Variants in ZMYM5 observed in about 807,000 individuals in gnomAD.
ZMYM5 encodes zinc finger MYM-type containing 5, also known as zinc finger MYM-type protein 5.
ZMYM5 carries 41 observed loss-of-function variants against 61.8 expected under a neutral mutation model. The observed-to-expected ratio is 0.66, with a 90% CI of 0.52 to 0.86. ZMYM5 has a LOEUF of 0.86. Among genes scored for constraint, ZMYM5 ranks in the 40% least tolerant of loss-of-function variants. ZMYM5 has a pLI of 0.00. For synonymous variants in ZMYM5, 257 were observed against 276.4 expected (o/e 0.93, Z 0.70); for missense variants, 706 against 786.7 (o/e 0.90, Z 1.23).
At chr13:19,862,850 A>G (rs1022762267) in intron 1 of ZMYM5, among the ~76,000 whole-genome samples, 1 of 152,190 alleles carries the variant, frequency 6.6e-6, no homozygotes, top group South Asian at 2.1e-4. Flanking sequence ...GGCGGCGCGC[A>G]TCACCTCTGG....
intron 2 of ZMYM5, among the ~76,000 whole-genome samples, chr13:19,859,801 T>A (rs1211594785): frequency 1.3e-5 from 2 of 151,832 alleles, no homozygotes; most frequent in Non-Finnish European, 2.9e-5. Context: ...TAAATAAAAA[T>A]TTTTAAAAAA....
intron 7 of ZMYM5, among the ~76,000 whole-genome samples, chr13:19,828,578 G>A (rs1891034413): frequency 6.6e-6 from 1 of 152,170 alleles, no homozygotes; most frequent in South Asian, 2.1e-4. Context: ...ATTGTATTAT[G>A]AATTCCCAAC....
chr13:19,835,428 G>C (rs755207124), intron 7 of ZMYM5, 49 bp downstream of exon 7: 2 of 1,224,502 alleles, frequency 1.6e-6, no homozygotes, highest in South Asian at 2.5e-5. Flanking sequence ...AGATGTAAGG[G>C]TGAAGCTACT....
intron 7 of ZMYM5, among the ~76,000 whole-genome samples, chr13:19,834,660 A>G (rs1566088401): frequency 6.6e-6 from 1 of 152,124 alleles, no homozygotes; most frequent in Non-Finnish European, 1.5e-5. Context: ...GGTACAGAAG[A>G]AAAATTAGTC....
At chr13:19,837,556 G>A in intron 6 of ZMYM5, 100 bp downstream of exon 6, 1 of 1,608,856 alleles carries the variant, frequency 6.2e-7, no homozygotes, top group Admixed American at 1.7e-5. Context: ...TATACATCCA[G>A]AACACGTGCA....
At chr13:19,852,303 T>C (rs1953344896) in intron 2 of ZMYM5, 113 bp from the exon 3 acceptor site, 2 of 1,165,072 alleles carry the variant, frequency 1.7e-6, no homozygotes, top group South Asian at 1.8e-5. Flanking sequence ...ATACCTGATA[T>C]CCATTTTGTT....
At chr13:19,838,495 T>C (rs1952747976) in intron 5 of ZMYM5, among the ~76,000 whole-genome samples, 1 of 152,170 alleles carries the variant, frequency 6.6e-6, no homozygotes, top group East Asian at 1.9e-4. Context: ...TTTCCAAACC[T>C]ATGTTCCATT....
intron 4 of ZMYM5, among the ~76,000 whole-genome samples, chr13:19,846,948 A>C (rs1238335872): frequency 6.6e-6 from 1 of 151,952 alleles, no homozygotes; most frequent in Non-Finnish European, 1.5e-5. Flanking sequence ...AAAAATAAAC[A>C]GTATGAAAAA....
intron 2 of ZMYM5, among the ~76,000 whole-genome samples, chr13:19,854,098 CT>C (rs1953419382): frequency 1.3e-5 from 2 of 152,190 alleles, no homozygotes; most frequent in Admixed American, 1.3e-4. Context: ...CAACCTCCGC[CT>C]CCTGGGTTCC....
intron 2 of ZMYM5, among the ~76,000 whole-genome samples, chr13:19,860,921 C>A (rs1953728969): frequency 6.9e-6 from 1 of 144,148 alleles, no homozygotes; most frequent in South Asian, 2.2e-4. Context: ...TAACTATATG[C>A]ATGTATATGC....
chr13:19,828,207 C>T (rs1891015167), intron 7 of ZMYM5, among the ~76,000 whole-genome samples: 1 of 152,070 alleles, frequency 6.6e-6, no homozygotes, highest in Non-Finnish European at 1.5e-5. Context: ...GGTGCGGTGG[C>T]TCACGCCTGT....
chr13:19,845,460 G>A (rs549377210), intron 4 of ZMYM5, among the ~76,000 whole-genome samples: 1 of 152,230 alleles, frequency 6.6e-6, no homozygotes. Context: ...AACACCAACT[G>A]GTATATATGG....
intron 7 of ZMYM5, among the ~76,000 whole-genome samples, chr13:19,826,338 C>T (rs190182334): frequency 2.1e-4 from 32 of 151,206 alleles, no homozygotes; most frequent in Non-Finnish European, 3.8e-4. Context: ...GGCAACAGTG[C>T]GAGACTCCGT....
chr13:19,854,348 G>T (rs1287219221), intron 2 of ZMYM5, among the ~76,000 whole-genome samples: 1 of 152,118 alleles, frequency 6.6e-6, no homozygotes, highest in Non-Finnish European at 1.5e-5. Context: ...TTCCCTGCTG[G>T]GCGTGGTGGC....
intron 7 of ZMYM5, among the ~76,000 whole-genome samples, chr13:19,828,828 A>G (rs1159963654): frequency 6.6e-6 from 1 of 152,212 alleles, no homozygotes; most frequent in Non-Finnish European, 1.5e-5. Flanking sequence ...GGCTTCATTT[A>G]CTGATATGGG....
intron 7 of ZMYM5, among the ~76,000 whole-genome samples, chr13:19,827,605 A>G (rs755041118): frequency 6.6e-6 from 1 of 152,146 alleles, no homozygotes; most frequent in Non-Finnish European, 1.5e-5. Context: ...ATCTGTCAGA[A>G]ATTTAATTTT....
chr13:19,855,263 ATCT>A (rs1027369877), intron 2 of ZMYM5, among the ~76,000 whole-genome samples: 4 of 151,968 alleles, frequency 2.6e-5, no homozygotes, highest in African/African-American at 9.7e-5. Flanking sequence ...ACTCCACAGT[ATCT>A]TCTTTTTTTT....
At chr13:19,837,499 C>T (rs1387271569) in intron 6 of ZMYM5, 157 bp downstream of exon 6, 4 of 1,591,290 alleles carry the variant, frequency 2.5e-6, no homozygotes, top group Non-Finnish European at 3.4e-6. Flanking sequence ...TAAAATATCC[C>T]ATAAGATAGT....
In ZMYM5 at chr13:19,863,007, G is replaced by A. The variant is rs1285947392; in HGVS notation, c.-79+443C>T. Among the ~76,000 whole-genome samples, 3 of 152,238 alleles carry A rather than the reference G, an allele frequency of 2.0e-5. No individual in the cohort carries two copies. The South Asian group carries it at 6.2e-4, about 31-fold the overall frequency. On this transcript the variant is annotated intron_variant, in intron 1 of 7. Transcript: ENST00000337963. ...AGATGAGCGAAGGAGGGGACCCAGC[G>A]GGGCAGAGGCAGAAGCCCTCGCCCG...
Sources: allele counts gnomAD v4.1 joint callset (sites outside exome capture counted in the v4.1 genomes callset), GRCh38; gene constraint gnomAD v4.1.1; transcripts MANE v1.5; gene names NCBI Gene and HGNC (gene_info 2026-07-23, HGNC 2026-07-21).